Variants in CTNND2 observed in about 807,000 individuals in gnomAD.
CTNND2 encodes catenin delta-2.
A neutral mutation model predicts 144.4 loss-of-function variants in CTNND2; 22 were observed. That is an observed-to-expected ratio of 0.15 (90% CI 0.11 to 0.22). CTNND2 has a LOEUF of 0.22. Ranked by LOEUF, CTNND2 falls within the 10% of genes least tolerant of loss-of-function variation. The probability of loss-of-function intolerance (pLI) is 1.00; values close to 1 mark genes in which losing one functional copy is unlikely to be tolerated. For missense variants in CTNND2, 1,353 were observed against 1,618.8 expected, an observed-to-expected ratio of 0.84 and a Z score of 2.82; for synonymous variants, 751 against 695.6, an observed-to-expected ratio of 1.08 and a Z score of -1.25.
chr5:11,808,838 AT>A (rs1792153317), intron 1 of CTNND2, among the ~76,000 whole-genome samples: 1 of 152,190 alleles, frequency 6.6e-6, no homozygotes, highest in African/African-American at 2.4e-5. Flanking sequence ...GTTTTATTGT[AT>A]TTATTATCTG....
intron 12 of CTNND2, among the ~76,000 whole-genome samples, chr5:11,125,450 T>C (rs1754583022): frequency 6.6e-6 from 1 of 152,264 alleles, no homozygotes; most frequent in Admixed American, 6.5e-5. Flanking sequence ...AGGCGCTTTC[T>C]TTGCTTTGGC....
At chr5:11,788,944 T>C (rs1442388454) in intron 1 of CTNND2, among the ~76,000 whole-genome samples, 1 of 151,868 alleles carries the variant, frequency 6.6e-6, no homozygotes, top group Non-Finnish European at 1.5e-5. Flanking sequence ...TTTTTTGTCC[T>C]TGCGATAGTT....
At chr5:11,258,839 A>T (rs185171079) in intron 9 of CTNND2, among the ~76,000 whole-genome samples, 1 of 152,200 alleles carries the variant, frequency 6.6e-6, no homozygotes, top group African/African-American at 2.4e-5. Flanking sequence ...TACATTCTCC[A>T]TATCTTTTTT....
rs61750293 is a variant in CTNND2 at position 11,076,570 on chromosome 5, GCTA to G, written c.2788+6123_2788+6125del. On this transcript the variant is annotated intron_variant, in intron 16 of 21. Coordinates refer to ENST00000304623, the MANE Select transcript of CTNND2 (RefSeq NM_001332.4). ...AATGTATGGATGTGCATTAACCTCG[GCTA>G]CTATTCTATGCCAGTAGGAAGAACA... is the stretch of plus-strand genomic sequence containing the variant. Among the ~76,000 whole-genome samples the G allele has an allele frequency of 4.0e-3, 608 of 152,170 alleles. 5 individuals carry two copies. The highest frequency in any genetic ancestry group is 0.012 in the African/African-American group (515 of 41,490).
chr5:11,609,658 C>T (rs1399049820), intron 2 of CTNND2, among the ~76,000 whole-genome samples: 2 of 152,006 alleles, frequency 1.3e-5, no homozygotes, highest in Non-Finnish European at 2.9e-5. Context: ...CTGATAAGGC[C>T]CAACACTGAC....
At chr5:11,471,495 A>T (rs1035373132) in intron 3 of CTNND2, among the ~76,000 whole-genome samples, 49 of 152,334 alleles carry the variant, frequency 3.2e-4, no homozygotes, top group Admixed American at 2.6e-3. Context: ...AATCACAGTG[A>T]TGTTATCAAC....
rs140913141 is a variant in CTNND2 at position 11,110,699 on chromosome 5, C to T, written c.2463+159G>A. 3.0e-3 allele frequency among the ~76,000 whole-genome samples: 450 copies of T among 152,226 alleles called. 2 individuals are homozygous for T. The highest frequency in any genetic ancestry group is 0.01 in the South Asian group (50 of 4,820). On this transcript the variant is annotated intron_variant, in intron 14 of 21. Transcript: ENST00000304623. The stretch of plus-strand genomic sequence containing the variant: ...TGAGGGAAATCATTTCATGTCCCAC[C>T]GTCTCAGCTGTGAAATTCCCACAGG...
At chr5:11,236,540 G>T in intron 10 of CTNND2, 151 bp downstream of exon 10, 1 of 866,402 alleles carries the variant, frequency 1.2e-6, no homozygotes, top group Non-Finnish European at 1.8e-6. Flanking sequence ...TAATCAATTA[G>T]ATGAAACATG....
At chr5:11,581,360 G>A (rs1778417576) in intron 2 of CTNND2, among the ~76,000 whole-genome samples, 1 of 152,062 alleles carries the variant, frequency 6.6e-6, no homozygotes, top group African/African-American at 2.4e-5. Context: ...AAATTCTATA[G>A]CTTGCTATGA....
chr5:11,294,231 A>G lies in CTNND2; in HGVS notation c.1628+52141T>C, dbSNP rs140979099. ...CAATTAAGAATGTCCTTGATGTCGC[A>G]GTAAAAATGATTAATTTTATGAAAT... is the stretch of plus-strand genomic sequence containing the variant. On this transcript the variant is annotated intron_variant, in intron 9 of 21. Coordinates refer to ENST00000304623, the MANE Select transcript of CTNND2 (RefSeq NM_001332.4). 1.9e-3 allele frequency among the ~76,000 whole-genome samples: 288 copies of G among 151,828 alleles called. 2 individuals are homozygous for G. The highest frequency in any genetic ancestry group is 3.5e-3 in the Non-Finnish European group (238 of 67,966).
intron 9 of CTNND2, among the ~76,000 whole-genome samples, chr5:11,343,458 T>TA (rs2016731618): frequency 6.6e-6 from 1 of 152,178 alleles, no homozygotes; most frequent in Admixed American, 6.5e-5. Flanking sequence ...CAGAACTACT[T>TA]AGACAATTTC....
At chr5:11,262,872 T>C (rs1389519001) in intron 9 of CTNND2, among the ~76,000 whole-genome samples, 4 of 151,832 alleles carry the variant, frequency 2.6e-5, no homozygotes, top group Non-Finnish European at 5.9e-5. Flanking sequence ...CTGATTTCCC[T>C]GATCCCCCTA....
At chr5:11,437,738 C>G (rs541989274) in intron 3 of CTNND2, among the ~76,000 whole-genome samples, 1 of 152,174 alleles carries the variant, frequency 6.6e-6, no homozygotes, top group Admixed American at 6.5e-5. Flanking sequence ...GGACTGTAAT[C>G]GGAGATGGTC....
At position 11,903,209 on chromosome 5, in the gene CTNND2, T is replaced by A; in HGVS notation, c.37+608A>T. 1 of 985,332 alleles carries A rather than the reference T, an allele frequency of 1.0e-6. No homozygotes were observed. Among genetic ancestry groups the A allele is most frequent in the East Asian group, 1.1e-4 (1 of 8,816 alleles). 61.0% of individuals were successfully genotyped at this position (985,332 alleles called of 1,614,324 possible). ...CGGCGCTTTCTGGAGCCTGGCTGTC[T>A]ATTGTCAGCACGCAGAAGCCCCCGA... On this transcript the variant is annotated intron_variant, in intron 1 of 21. Coordinates refer to ENST00000304623, the MANE Select transcript of CTNND2 (RefSeq NM_001332.4). This position sits in a 1 kb window ranked among gnomAD's most constrained non-coding sequence, Gnocchi z 5.4.
intron 1 of CTNND2, among the ~76,000 whole-genome samples, chr5:11,823,147 A>G (rs377157522): frequency 5.3e-5 from 8 of 152,232 alleles, no homozygotes; most frequent in African/African-American, 1.9e-4. Flanking sequence ...TTCAACAATA[A>G]TGAGAATTAT....
intron 2 of CTNND2, among the ~76,000 whole-genome samples, chr5:11,590,047 A>ATTTT (rs34867068): frequency 6.9e-6 from 1 of 144,366 alleles, no homozygotes; most frequent in Non-Finnish European, 1.5e-5. Flanking sequence ...GATTTTGTAA[A>ATTTT]TTTTTTTTTT....
intron 3 of CTNND2, among the ~76,000 whole-genome samples, chr5:11,556,792 G>A (rs1470622365): frequency 6.6e-6 from 1 of 152,136 alleles, no homozygotes; most frequent in South Asian, 2.1e-4. Context: ...GGGAAGAAAA[G>A]AAAGCACTTC....
At chr5:11,243,645 C>T (rs1742680946) in intron 9 of CTNND2, among the ~76,000 whole-genome samples, 1 of 152,200 alleles carries the variant, frequency 6.6e-6, no homozygotes, top group Admixed American at 6.5e-5. Context: ...GTCACACAGG[C>T]CCACAATATT....
intron 9 of CTNND2, among the ~76,000 whole-genome samples, chr5:11,272,930 G>C (rs913026157): frequency 6.6e-6 from 1 of 152,098 alleles, no homozygotes; most frequent in African/African-American, 2.4e-5. Context: ...AAGCTAAAAG[G>C]TTTCTACAGT....
Sources: gnomAD v4.1 joint callset for allele counts (sites outside exome capture counted in the v4.1 genomes callset) on GRCh38, gnomAD v4.1.1 for gene constraint, Gnocchi (gnomAD v3.1) non-coding constraint, MANE v1.5 for transcripts, NCBI Gene and HGNC (gene_info 2026-07-23, HGNC 2026-07-21) for gene names.